MYO3A: variants seen among roughly 807,000 people sequenced by gnomAD.
The protein encoded by MYO3A is myosin IIIA, also known as myosin-IIIa.
In MYO3A, 180 loss-of-function variants were observed where a neutral mutation model predicts 192.7. The observed-to-expected ratio is 0.93, with a 90% confidence interval of 0.83 to 1.06. MYO3A has a LOEUF of 1.06. Among genes scored for constraint, MYO3A ranks in the 50% least tolerant of loss-of-function variants. The pLI is 0.00. For synonymous variants in MYO3A, 628 were observed against 645.3 expected (o/e 0.97, Z 0.41); for missense variants, 1,896 against 1,905.0 (o/e 1.00, Z 0.09).
intron 31 of MYO3A, among the ~76,000 whole-genome samples, chr10:26,190,361 G>A (rs1843067277): frequency 1.3e-5 from 2 of 152,224 alleles, no homozygotes; most frequent in African/African-American, 4.8e-5. Flanking sequence ...CTGCCATTGA[G>A]GTTGTAGTGT....
chr10:26,015,105 C>T (rs993678458), intron 6 of MYO3A, among the ~76,000 whole-genome samples: 5 of 152,164 alleles, frequency 3.3e-5, no homozygotes, highest in Admixed American at 1.3e-4. Context: ...GCAAAGCAAA[C>T]GACTGAAGAA....
chr10:26,180,742 A>C (rs1392429404), intron 31 of MYO3A, among the ~76,000 whole-genome samples: 3 of 152,154 alleles, frequency 2.0e-5, no homozygotes, highest in Non-Finnish European at 2.9e-5. Context: ...CCTTGAAATA[A>C]AGCTAGCAAC....
intron 6 of MYO3A, among the ~76,000 whole-genome samples, chr10:26,008,472 G>A (rs1445094278): frequency 2.7e-5 from 4 of 148,044 alleles, no homozygotes; most frequent in South Asian, 4.2e-4. Context: ...GAAAATTTTC[G>A]CAACCTACTC....
intron 7 of MYO3A, among the ~76,000 whole-genome samples, chr10:26,018,110 A>G (rs1395394447): frequency 6.6e-6 from 1 of 151,564 alleles, no homozygotes; most frequent in Non-Finnish European, 1.5e-5. Flanking sequence ...TAGTAAAAAC[A>G]CTTATTAATA....
intron 20 of MYO3A, among the ~76,000 whole-genome samples, chr10:26,137,449 C>A (rs1204552389): frequency 6.6e-6 from 1 of 152,182 alleles, no homozygotes; most frequent in African/African-American, 2.4e-5. Context: ...TCTTTGTAAG[C>A]TGAGGATGTG....
chr10:26,042,105 A>G (rs1173038140), intron 10 of MYO3A, among the ~76,000 whole-genome samples: 4 of 152,058 alleles, frequency 2.6e-5, no homozygotes, highest in African/African-American at 9.7e-5. Context: ...TCTAGGGTAA[A>G]ATATTTTCTC....
At chr10:26,164,780 T>A (rs1841653677) in intron 26 of MYO3A, among the ~76,000 whole-genome samples, 1 of 150,860 alleles carries the variant, frequency 6.6e-6, no homozygotes, top group Admixed American at 6.6e-5. Context: ...GGAATGAGAG[T>A]AGGAAAGGTG....
chr10:26,007,344 C>T (rs990258142), intron 6 of MYO3A, among the ~76,000 whole-genome samples: 1 of 150,444 alleles, frequency 6.6e-6, no homozygotes, highest in South Asian at 2.1e-4. Context: ...CCCTCTCTCA[C>T]CACTCCTATT....
intron 4 of MYO3A, among the ~76,000 whole-genome samples, chr10:25,985,519 CT>C (rs1839599616): frequency 6.6e-6 from 1 of 152,024 alleles, no homozygotes; most frequent in Non-Finnish European, 1.5e-5. Context: ...GATATTTCAA[CT>C]GATACCAGAG....
At chr10:26,135,896 C>T (rs1330730385) in intron 20 of MYO3A, among the ~76,000 whole-genome samples, 1 of 147,492 alleles carries the variant, frequency 6.8e-6, no homozygotes, top group Non-Finnish European at 1.5e-5. Context: ...AACCCAGGGG[C>T]CAGAGGTTGC....
intron 10 of MYO3A, among the ~76,000 whole-genome samples, chr10:26,042,158 T>C (rs759116144): frequency 6.6e-6 from 1 of 152,160 alleles, no homozygotes; most frequent in Non-Finnish European, 1.5e-5. Context: ...TACTGGCCTG[T>C]AAGGTTTCCA....
At chr10:26,173,048 T>C (rs1440288998) in intron 29 of MYO3A, among the ~76,000 whole-genome samples, 1 of 142,210 alleles carries the variant, frequency 7.0e-6, no homozygotes, top group Non-Finnish European at 1.5e-5. Flanking sequence ...GGTTTTGCCT[T>C]TGGCTAGAAA....
intron 7 of MYO3A, among the ~76,000 whole-genome samples, chr10:26,020,155 G>T (rs1842227698): frequency 1.3e-5 from 2 of 152,078 alleles, no homozygotes; most frequent in South Asian, 4.1e-4. Flanking sequence ...CCATAAACTC[G>T]CCATCCACGC....
At chr10:26,210,819 C>T (rs576596630) in intron 34 of MYO3A, among the ~76,000 whole-genome samples, 44 of 152,258 alleles carry the variant, frequency 2.9e-4, no homozygotes, top group African/African-American at 1.1e-3. Flanking sequence ...TGTGTACACT[C>T]TAGTCTTGCA....
intron 21 of MYO3A, among the ~76,000 whole-genome samples, chr10:26,144,291 A>T (rs1840331776): frequency 1.3e-5 from 2 of 152,190 alleles, no homozygotes; most frequent in Non-Finnish European, 2.9e-5. Context: ...TGATGATAGG[A>T]GGTATTTATT....
chr10:26,098,593 G>A (rs549165163), intron 17 of MYO3A, among the ~76,000 whole-genome samples: 1 of 152,160 alleles, frequency 6.6e-6, no homozygotes, highest in South Asian at 2.1e-4. Context: ...TTTGTATAAG[G>A]TGTAAGGAAG....
chr10:26,127,868 C>T (rs1055908371), intron 19 of MYO3A, among the ~76,000 whole-genome samples: 12 of 151,618 alleles, frequency 7.9e-5, no homozygotes, highest in Admixed American at 5.3e-4. Context: ...CTCCAGTTTG[C>T]CATTTGTTCT....
intron 2 of MYO3A, among the ~76,000 whole-genome samples, chr10:25,941,664 A>G (rs1836494502): frequency 6.6e-6 from 1 of 152,218 alleles, no homozygotes; most frequent in African/African-American, 2.4e-5. Context: ...GTTGAGTGGT[A>G]TTAAGTACAG....
chr10:26,046,712 G>C (rs1345277166), intron 10 of MYO3A, among the ~76,000 whole-genome samples: 2 of 152,200 alleles, frequency 1.3e-5, no homozygotes, highest in Non-Finnish European at 2.9e-5. Flanking sequence ...GATTTAGCCT[G>C]AAAAATTTTG....
Sources: allele counts gnomAD v4.1 joint callset (sites outside exome capture counted in the v4.1 genomes callset), GRCh38; gene constraint gnomAD v4.1.1; transcripts MANE v1.5; gene names NCBI Gene and HGNC (gene_info 2026-07-23, HGNC 2026-07-21).